FBN2: variants seen among roughly 807,000 people sequenced by gnomAD.
FBN2 encodes fibrillin-2.
In FBN2, 105 loss-of-function variants were observed where a neutral mutation model predicts 355.6. The ratio of observed to expected loss-of-function variants is 0.30; its 90% confidence interval spans 0.25 to 0.35. The LOEUF is 0.35. Ranked by LOEUF, FBN2 falls within the 10% of genes least tolerant of loss-of-function variation. FBN2 has a pLI of 1.00. For synonymous variants in FBN2, 1,350 were observed against 1,301.2 expected, an observed-to-expected ratio of 1.04 and a Z score of -0.81; for missense variants, 3,280 against 3,758.7, an observed-to-expected ratio of 0.87 and a Z score of 3.33.
chr5:128,496,867 A>G (rs1011633768), intron 5 of FBN2, among the ~76,000 whole-genome samples: 1 of 152,066 alleles, frequency 6.6e-6, no homozygotes, highest in South Asian at 2.1e-4. Flanking sequence ...GCAAGATACA[A>G]CATCAATACA....
At chr5:128,399,892 C>G (rs559501908) in intron 8 of FBN2, among the ~76,000 whole-genome samples, 8 of 151,166 alleles carry the variant, frequency 5.3e-5, no homozygotes, top group Admixed American at 2.0e-4. Context: ...TAAAAGAAAC[C>G]AAGAAAGGAG....
At chr5:128,364,961 CAA>C (rs1448575024) in intron 17 of FBN2, among the ~76,000 whole-genome samples, 1 of 151,982 alleles carries the variant, frequency 6.6e-6, no homozygotes, top group Admixed American at 6.6e-5. Flanking sequence ...GGCAGAAATT[CAA>C]AGAGTTAAAT....
intron 63 of FBN2, among the ~76,000 whole-genome samples, chr5:128,262,884 T>C (rs1765010571): frequency 6.6e-6 from 1 of 152,184 alleles, no homozygotes; most frequent in Non-Finnish European, 1.5e-5. Context: ...ACAGTGCGCC[T>C]AGTTGGAGGG....
intron 5 of FBN2, 79 bp from the exon 6 acceptor site, chr5:128,465,000 A>G: frequency 7.5e-7 from 1 of 1,326,450 alleles, no homozygotes; most frequent in South Asian, 1.2e-5. Context: ...AATGCATAAA[A>G]CAGAGACTAT....
chr5:128,328,231 C>A, intron 34 of FBN2: 1 of 284,386 alleles, frequency 3.5e-6, no homozygotes, highest in South Asian at 4.1e-5. Context: ...AAAAGTACAG[C>A]CCTTGCTGAA....
chr5:128,279,871 T>A (rs902066238), intron 56 of FBN2, among the ~76,000 whole-genome samples: 14 of 152,194 alleles, frequency 9.2e-5, no homozygotes, highest in Non-Finnish European at 2.1e-4. Flanking sequence ...TTACCTCATA[T>A]TGCAAATATT....
chr5:128,517,884 C>T (rs1435988587), intron 5 of FBN2, among the ~76,000 whole-genome samples: 1 of 152,152 alleles, frequency 6.6e-6, no homozygotes, highest in Non-Finnish European at 1.5e-5. Flanking sequence ...CCACAACAAG[C>T]TCTGGAAAAA....
chr5:128,340,815 C>T (rs1180448334), intron 25 of FBN2, among the ~76,000 whole-genome samples: 1 of 150,784 alleles, frequency 6.6e-6, no homozygotes, highest in Non-Finnish European at 1.5e-5. Context: ...TTCTCTCTCT[C>T]TCCCTCTCTC....
chr5:128,298,865 T>C (rs919579962), intron 48 of FBN2, among the ~76,000 whole-genome samples: 1 of 152,248 alleles, frequency 6.6e-6, no homozygotes, highest in African/African-American at 2.4e-5. Flanking sequence ...TCCAGTTTTG[T>C]TCTGTTGCTG....
intron 6 of FBN2, 81 bp from the exon 7 acceptor site, chr5:128,446,687 A>G (rs1754073958): frequency 6.8e-6 from 10 of 1,464,132 alleles, no homozygotes; most frequent in Non-Finnish European, 9.4e-6. Flanking sequence ...AAAACTTTAT[A>G]TAAACATTCT....
intron 37 of FBN2, 144 bp downstream of exon 37, chr5:128,312,490 C>T: frequency 2.5e-6 from 2 of 810,128 alleles, no homozygotes; most frequent in East Asian, 4.9e-5. Context: ...TGGCTGGTTT[C>T]AGAGTGATCA....
chr5:128,501,996 T>C (rs1433116796), intron 5 of FBN2, among the ~76,000 whole-genome samples: 1 of 152,150 alleles, frequency 6.6e-6, no homozygotes, highest in Admixed American at 6.5e-5. Flanking sequence ...GATCACATGC[T>C]TTTCACTAAA....
At position 128,504,459 on chromosome 5, in the gene FBN2, C is replaced by T. The variant is rs566058484; in HGVS notation, c.628+14814G>A. On this transcript the variant is annotated intron_variant, in intron 5 of 64. Coordinates refer to ENST00000262464, the MANE Select transcript of FBN2 (RefSeq NM_001999.4). ...GCTGTAACCTGCAAAGCTACAGGGG[C>T]GGAGCTGCCCAAGACCATGGGGACC... Among the ~76,000 whole-genome samples the T allele has an allele frequency of 3.9e-3, 594 of 152,258 alleles. 4 individuals carry two copies. The highest frequency in any genetic ancestry group is 6.9e-3 in the Non-Finnish European group (470 of 68,008).
intron 21 of FBN2, 151 bp from the exon 22 acceptor site, chr5:128,350,156 A>T (rs1751308056): frequency 1.4e-6 from 1 of 703,532 alleles, no homozygotes; most frequent in South Asian, 1.6e-5. Context: ...TCCCCTCTTC[A>T]TTCAGTAGGG....
Position 128,338,084 on chromosome 5 carries a change from C to T in FBN2, c.3511G>A (p.Gly1171Ser), listed in dbSNP as rs775844150. 7.4e-6 allele frequency: 12 copies of T among 1,613,854 alleles called. No individual in the cohort carries two copies. Among genetic ancestry groups the T allele is most frequent in the Admixed American group, 5.0e-5 (3 of 59,998 alleles). Residue 1171 changes from glycine (G) to serine (S), a missense_variant, in exon 27 of 65, where the codon GGT (glycine) becomes AGT (serine). Gly to Ser is a moderately conservative substitution (Grantham distance 56). Around this residue, in one of 6 missense-constraint regions of FBN2, gnomAD observed 2,284 missense variants for 2,749.5 expected, o/e 0.83. Transcript: ENST00000262464. Reference sequence around the variant, plus strand: ...CCCTCAGTGTTCACACAGGTGCCACCCCTACAAAGGAGAGGGTTACGTTCA... The same window carrying T: ...CCCTCAGTGTTCACACAGGTGCCACTCCTACAAAGGAGAGGGTTACGTTCA... Reference protein sequence around the residue: ...ECERNPLLCRGGTCVNTEGSF... With the variant: ...ECERNPLLCRSGTCVNTEGSF...
At chr5:128,366,341 C>T (rs367653653) in intron 17 of FBN2, 36 bp downstream of exon 17, 158 of 1,161,478 alleles carry the variant, frequency 1.4e-4, no homozygotes, top group Non-Finnish European at 1.8e-4. Flanking sequence ...GATTATGTCA[C>T]GTGATTATTA....
rs770513170 is a variant in FBN2, at chr5:128,261,943, C to T, written c.8193-36G>A. 1.9e-6 allele frequency: 3 copies of T among 1,583,776 alleles called. No homozygotes were observed. The South Asian group carries it at 3.3e-5, about 17-fold the overall frequency. On this transcript the variant is annotated intron_variant, in intron 63 of 64. Transcript: ENST00000262464. ...AAAGCAAAGTATTGTTAGACTTTAT[C>T]ACTGACTTGACCATAGTTTTCCAGT... is the stretch of plus-strand genomic sequence containing the variant.
Position 128,258,440 on chromosome 5 carries a change from C to A in FBN2, c.*1015G>T, listed in dbSNP as rs1391679180. The stretch of plus-strand genomic sequence containing the variant: ...TTGGCTGCATTGCATGATTTGTTTG[C>A]ACATATGGCAATCCTGAAATAACTT... On this transcript the variant is annotated 3_prime_UTR_variant, in exon 65 of 65. Coordinates refer to ENST00000262464, the MANE Select transcript of FBN2 (RefSeq NM_001999.4). 48 of 152,488 alleles carry A rather than the reference C, an allele frequency of 3.1e-4. No homozygotes were observed. Among genetic ancestry groups the A allele is most frequent in the Non-Finnish European group, 2.9e-5 (2 of 68,032 alleles). 9.4% of individuals were successfully genotyped at this position (152,488 alleles called of 1,614,324 possible). A position where few individuals can be genotyped will look rare whatever the true frequency, so the allele number is the denominator to read the frequency against.
chr5:128,275,968 T>G, intron 59 of FBN2, 70 bp downstream of exon 59: 1 of 1,544,464 alleles, frequency 6.5e-7, no homozygotes. Flanking sequence ...TAATTCCTGA[T>G]AATCTAATAT....
Sources: allele counts gnomAD v4.1 joint callset (sites outside exome capture counted in the v4.1 genomes callset), GRCh38; gene constraint gnomAD v4.1.1; regional missense constraint gnomAD v4.1.1; transcripts MANE v1.5; gene names NCBI Gene and HGNC (gene_info 2026-07-23, HGNC 2026-07-21).